STK32B: variants seen among roughly 807,000 people sequenced by gnomAD.
STK32B encodes serine/threonine kinase 32B, also known as serine/threonine-protein kinase 32B.
STK32B carries 43 observed loss-of-function variants against 52.6 expected under a neutral mutation model. That is an observed-to-expected ratio of 0.82 (90% CI 0.64 to 1.05). The LOEUF (loss-of-function observed/expected upper bound fraction) is 1.05, where lower values mean the gene tolerates loss of function less well. STK32B is among the 50% of genes least tolerant of loss of function. The pLI, the probability that STK32B is intolerant of heterozygous loss-of-function variation, is 0.00. For missense variants in STK32B, 621 were observed against 534.6 expected (o/e 1.16, Z -1.59); for synonymous variants, 238 against 204.3 (o/e 1.17, Z -1.41).
At chr4:5,281,590 C>A (rs551459801) in intron 3 of STK32B, among the ~76,000 whole-genome samples, 19 of 152,058 alleles carry the variant, frequency 1.2e-4, no homozygotes, top group Middle Eastern at 3.4e-3. Flanking sequence ...ACATGTATCC[C>A]AGAACTTAAA....
intron 4 of STK32B, among the ~76,000 whole-genome samples, chr4:5,384,304 AG>A (rs1736109336): frequency 6.6e-6 from 1 of 152,088 alleles, no homozygotes; most frequent in Non-Finnish European, 1.5e-5. Flanking sequence ...GGAACTCTGG[AG>A]GGGAAAATGC....
At chr4:5,451,778 A>G (rs978949329) in intron 7 of STK32B, among the ~76,000 whole-genome samples, 9 of 152,146 alleles carry the variant, frequency 5.9e-5, no homozygotes, top group African/African-American at 1.9e-4. Context: ...GACTCCAAAC[A>G]TTGCCACATA....
At chr4:5,363,304 G>A (rs750598582) in intron 4 of STK32B, among the ~76,000 whole-genome samples, 39 of 152,158 alleles carry the variant, frequency 2.6e-4, no homozygotes, top group African/African-American at 8.9e-4. Context: ...CTATTATTTC[G>A]CTTTGGCTAT....
intron 6 of STK32B, among the ~76,000 whole-genome samples, chr4:5,425,355 T>C (rs1292662709): frequency 1.3e-5 from 2 of 152,178 alleles, no homozygotes; most frequent in African/African-American, 2.4e-5. Context: ...TAGATATTAT[T>C]GAGGCCAGGG....
At chr4:5,258,966 T>C (rs930505586) in intron 3 of STK32B, among the ~76,000 whole-genome samples, 2 of 152,194 alleles carry the variant, frequency 1.3e-5, no homozygotes, top group African/African-American at 2.4e-5. Flanking sequence ...CTCACTTCTT[T>C]CCAGGCTTGT....
chr4:5,493,888 T>A (rs1205827752), intron 11 of STK32B, among the ~76,000 whole-genome samples: 20 of 152,392 alleles, frequency 1.3e-4, no homozygotes, highest in African/African-American at 4.8e-4. Context: ...GTTGAGTGGT[T>A]TTGCGTTAGT....
intron 1 of STK32B, among the ~76,000 whole-genome samples, chr4:5,120,097 G>C (rs889892125): frequency 6.6e-6 from 1 of 152,166 alleles, no homozygotes; most frequent in African/African-American, 2.4e-5. Context: ...ATGCTGTCCT[G>C]CTCAGTTCCA....
At chr4:5,035,101 G>A in the STK32B span, among the ~76,000 whole-genome samples, 21 of 152,140 alleles carry the variant, frequency 1.4e-4, no homozygotes, top group African/African-American at 3.9e-4. Flanking sequence ...GCCTTGGCTC[G>A]CTATGCTTGG....
At chr4:5,118,846 C>T (rs1375217623) in intron 1 of STK32B, among the ~76,000 whole-genome samples, 2 of 152,154 alleles carry the variant, frequency 1.3e-5, no homozygotes, top group Non-Finnish European at 2.9e-5. Context: ...ACTAGGGTGA[C>T]TTCACACACA....
rs114774927 is a variant in STK32B, at chr4:5,397,446, T to A, written c.435-761T>A. Among the ~76,000 whole-genome samples the A allele has an allele frequency of 4.2e-3, 646 of 152,306 alleles. 3 individuals carry two copies. The highest frequency in any genetic ancestry group is 0.014 in the African/African-American group (579 of 41,564). On this transcript the variant is annotated intron_variant, in intron 4 of 11. Transcript: ENST00000282908. ...AGCCTCAGCCTTCAGAATGTTTCAC[T>A]TGGAATTGAGAGGCCTTTTGCTATA... is the stretch of plus-strand genomic sequence containing the variant.
chr4:5,467,966 G>C lies in STK32B; in HGVS notation c.1042-40G>C. The C allele has an allele frequency of 6.2e-7, 1 of 1,612,404 alleles. No individual in the cohort carries two copies. Among genetic ancestry groups the C allele is most frequent in the Non-Finnish European group, 8.5e-7 (1 of 1,178,650 alleles). On this transcript the variant is annotated intron_variant, in intron 10 of 11. Coordinates refer to ENST00000282908, the MANE Select transcript of STK32B (RefSeq NM_018401.3). The surrounding 1 kb of genome is among the most constrained non-coding windows in gnomAD (Gnocchi z 5.8). ...CTCCATTACCGCGCGTCCCCGGACC[G>C]TGCTTTGTCATTTAGTCACCCCTCT... is the stretch of plus-strand genomic sequence containing the variant.
intron 4 of STK32B, among the ~76,000 whole-genome samples, chr4:5,376,747 C>T (rs1263708633): frequency 6.6e-6 from 1 of 152,152 alleles, no homozygotes; most frequent in Non-Finnish European, 1.5e-5. Flanking sequence ...CCCGCACTCT[C>T]CAATGCCAAA....
At chr4:5,435,612 C>G (rs890001558) in intron 6 of STK32B, 5 of 152,248 alleles carry the variant, frequency 3.3e-5, no homozygotes, top group East Asian at 1.9e-4. Context: ...TGGCACACAA[C>G]AAGGGCAATA....
intron 2 of STK32B, among the ~76,000 whole-genome samples, chr4:5,160,607 C>G (rs987563850): frequency 3.9e-5 from 6 of 152,204 alleles, no homozygotes; most frequent in African/African-American, 1.4e-4. Context: ...GTCCCATGTG[C>G]TCACCTCTCC....
intron 11 of STK32B, among the ~76,000 whole-genome samples, chr4:5,485,680 T>C (rs1719115716): frequency 1.3e-5 from 2 of 152,222 alleles, no homozygotes; most frequent in African/African-American, 2.4e-5. Context: ...TTAGAGTTTC[T>C]AGTTTTTCTG....
intron 3 of STK32B, among the ~76,000 whole-genome samples, chr4:5,293,726 C>G (rs939344264): frequency 4.6e-5 from 7 of 152,186 alleles, no homozygotes; most frequent in African/African-American, 1.7e-4. Context: ...AATTTTCTCC[C>G]ATTCCGTAGG....
At chr4:5,109,405 A>G (rs1344871914) in intron 1 of STK32B, among the ~76,000 whole-genome samples, 1 of 152,238 alleles carries the variant, frequency 6.6e-6, no homozygotes, top group Non-Finnish European at 1.5e-5. Context: ...CTAACAAATG[A>G]ATACATAAAA....
chr4:5,285,406 TA>T (rs1375755050), intron 3 of STK32B, among the ~76,000 whole-genome samples: 4 of 152,288 alleles, frequency 2.6e-5, no homozygotes, highest in African/African-American at 9.6e-5. Flanking sequence ...TCAGTTTGAA[TA>T]TTTTAAAAAC....
chr4:5,496,388 C>T (rs558693130), intron 11 of STK32B, among the ~76,000 whole-genome samples: 5 of 152,252 alleles, frequency 3.3e-5, no homozygotes, highest in African/African-American at 4.8e-5. Context: ...GAGCCAGGTG[C>T]GGGATATCTC....
Sources: allele counts gnomAD v4.1 joint callset (sites outside exome capture counted in the v4.1 genomes callset), GRCh38; gene constraint gnomAD v4.1.1; non-coding constraint Gnocchi (gnomAD v3.1); transcripts MANE v1.5; gene names NCBI Gene and HGNC (gene_info 2026-07-23, HGNC 2026-07-21).